Variants in CUBN observed in about 807,000 individuals in gnomAD.
CUBN encodes the protein 460 kDa receptor.
A neutral mutation model predicts 405.3 loss-of-function variants in CUBN; 282 were observed. The ratio of observed to expected loss-of-function variants is 0.70; its 90% CI spans 0.63 to 0.77. The LOEUF is 0.77. Ranked by LOEUF, CUBN falls within the 30% of genes least tolerant of loss-of-function variation. CUBN has a pLI of 0.00. For missense variants in CUBN, 4,514 were observed against 4,475.2 expected (o/e 1.01, Z -0.25); for synonymous variants, 1,684 against 1,617.0 (o/e 1.04, Z -0.99).
chr10:16,851,936 C>T (rs1291402864), intron 59 of CUBN, among the ~76,000 whole-genome samples: 3 of 122,916 alleles, frequency 2.4e-5, no homozygotes, highest in African/African-American at 9.3e-5. Context: ...CTCTATCTTT[C>T]CCTCCCTCCA....
rs1459307135 is a variant in CUBN, at chr10:16,838,360, C to T, written c.10032+1970G>A. Among the ~76,000 whole-genome samples the T allele has an allele frequency of 3.3e-5, 5 of 152,178 alleles. No individual in the cohort carries two copies. The East Asian group carries it at 9.6e-4, about 29-fold the overall frequency. On this transcript the variant is annotated intron_variant, in intron 62 of 66. Transcript: ENST00000377833. The stretch of plus-strand genomic sequence containing the variant: ...ATGGGGCTTTGACCATGACATTTTA[C>T]TGGAATGAACTGGGGAGGGTTAGTT...
At chr10:16,946,645 G>A (rs141626124) in intron 36 of CUBN, among the ~76,000 whole-genome samples, 3,720 of 151,916 alleles carry the variant, frequency 0.024, 155 homozygotes, top group African/African-American at 0.083. Flanking sequence ...ACAGGTGCCC[G>A]CCACCACTCC....
chr10:17,127,765 G>C, intron 3 of CUBN, 64 bp downstream of exon 3: 1 of 1,190,174 alleles, frequency 8.4e-7, no homozygotes, highest in Non-Finnish European at 1.2e-6. Context: ...CCTACAAAAC[G>C]GTTACTTATA....
At chr10:17,051,275 C>T (rs571733089) in intron 22 of CUBN, among the ~76,000 whole-genome samples, 6 of 152,060 alleles carry the variant, frequency 3.9e-5, no homozygotes, top group African/African-American at 9.6e-5. Context: ...GCAGGAGGAT[C>T]GCTTGAACCT....
intron 13 of CUBN, 24 bp downstream of exon 13, chr10:17,103,101 T>C (rs538930938): frequency 7.8e-7 from 1 of 1,281,986 alleles, no homozygotes; most frequent in East Asian, 2.3e-5. Context: ...TAATATGCAT[T>C]TGGGCAAGAG....
rs747948876 is a variant in CUBN at position 17,123,640 on chromosome 10, G to T, written c.437C>A (p.Thr146Asn). Residue 146 changes from threonine to asparagine, a missense_variant, in exon 5 of 67, where the codon ACC (threonine) becomes AAC (asparagine). Physicochemically the swap from Thr to Asn is moderately conservative, Grantham distance 65. Around this residue, in one of 5 missense-constraint regions of CUBN, gnomAD observed 1,448 missense variants for 1,388.0 expected, o/e 1.04. Coordinates refer to ENST00000377833, the MANE Select transcript of CUBN (RefSeq NM_001081.4). ...AAAGGAATCATGCAGATTGAGGCAG[G>T]TTCCACCATTCTGGCAAGGATTGCT... ...CSSNPCQNGG[T>N]CLNLHDSFFC... The T allele has an allele frequency of 1.9e-6, 3 of 1,614,102 alleles. No individual in the cohort carries two copies. Among genetic ancestry groups the T allele is most frequent in the African/African-American group, 1.3e-5 (1 of 75,044 alleles).
At chr10:16,910,213 CTCTTCTCCCTCTTCT>C (rs1273329546) in intron 48 of CUBN, among the ~76,000 whole-genome samples, 2 of 151,182 alleles carry the variant, frequency 1.3e-5, no homozygotes, top group Admixed American at 6.6e-5. Flanking sequence ...CCTTCTCCCT[CTCTTCTCCCTCTTCT>C]TCTTCTCCCT....
At chr10:17,074,338 T>C (rs1285268838) in intron 17 of CUBN, among the ~76,000 whole-genome samples, 3 of 152,166 alleles carry the variant, frequency 2.0e-5, no homozygotes, top group Admixed American at 6.5e-5. Context: ...TTTGTGTTAA[T>C]TATTATCACA....
chr10:17,098,842 T>C (rs1836433201), intron 14 of CUBN, among the ~76,000 whole-genome samples: 1 of 152,088 alleles, frequency 6.6e-6, no homozygotes, highest in Non-Finnish European at 1.5e-5. Context: ...TATCTGTAAA[T>C]AAATCTAACA....
At chr10:16,897,595 T>C (rs1748366045) in intron 54 of CUBN, among the ~76,000 whole-genome samples, 2 of 152,108 alleles carry the variant, frequency 1.3e-5, no homozygotes, top group South Asian at 2.1e-4. Flanking sequence ...GGCCCCTTTC[T>C]GTGACTGGGA....
intron 28 of CUBN, among the ~76,000 whole-genome samples, chr10:17,008,458 G>GTGTGTGTGTGTGTT (rs1471234210): frequency 1.4e-5 from 2 of 147,606 alleles, no homozygotes. Flanking sequence ...GTGTGTGTGT[G>GTGTGTGTGTGTGTT]TGTGTGCGCG....
intron 28 of CUBN, among the ~76,000 whole-genome samples, chr10:16,999,183 A>G (rs921618438): frequency 6.6e-6 from 1 of 152,182 alleles, no homozygotes; most frequent in Non-Finnish European, 1.5e-5. Context: ...TAAATACTCA[A>G]AGTTAAGACT....
chr10:16,961,870 C>CG (rs1843234102), intron 31 of CUBN, among the ~76,000 whole-genome samples: 2 of 151,926 alleles, frequency 1.3e-5, no homozygotes, highest in Non-Finnish European at 2.9e-5. Flanking sequence ...CGCCACTACG[C>CG]CTGGCTAATT....
intron 27 of CUBN, among the ~76,000 whole-genome samples, chr10:17,023,108 C>T (rs80277006): frequency 0.016 from 2,471 of 150,090 alleles, 59 homozygotes; most frequent in African/African-American, 0.058. Flanking sequence ...TCTTTTTTTT[C>T]CTTCCTTCTG....
At chr10:16,912,105 T>C (rs1389116505) in intron 48 of CUBN, among the ~76,000 whole-genome samples, 2 of 152,166 alleles carry the variant, frequency 1.3e-5, no homozygotes, top group Non-Finnish European at 2.9e-5. Flanking sequence ...GAAAACACAC[T>C]TGGTTTCTTA....
chr10:17,087,146 T>TC (rs1777246437), intron 15 of CUBN, among the ~76,000 whole-genome samples: 1 of 152,148 alleles, frequency 6.6e-6, no homozygotes, highest in African/African-American at 2.4e-5. Flanking sequence ...ACTCTATTCC[T>TC]CTCTAATGGA....
chr10:16,839,649 TC>T (rs1299259214), intron 62 of CUBN, among the ~76,000 whole-genome samples: 3 of 82,448 alleles, frequency 3.6e-5, no homozygotes, highest in African/African-American at 8.1e-5. Flanking sequence ...ATTGTGGAAG[TC>T]AGTGTGGTGA....
chr10:16,953,018 C>T (rs7073690), intron 32 of CUBN, among the ~76,000 whole-genome samples: 8,006 of 152,168 alleles, frequency 0.053, 690 homozygotes, highest in African/African-American at 0.18. Context: ...GGGTGACTGA[C>T]GCTGGAGAGA....
At position 17,015,807 on chromosome 10, in the gene CUBN, T is replaced by C. The variant is rs143156111; in HGVS notation, c.4168+4026A>G. Among the ~76,000 whole-genome samples the C allele has an allele frequency of 9.1e-4, 139 of 152,282 alleles. 1 individual carries two copies. In the East Asian group the frequency reaches 0.026, roughly 28 times the overall value. On this transcript the variant is annotated intron_variant, in intron 28 of 66. Transcript: ENST00000377833. ...GGCTTGTTTCTCACTGGACAATCTTTTTTAAAGTGTCCTTGTAAACCACAC... is the reference window on the plus strand; with the variant it reads ...GGCTTGTTTCTCACTGGACAATCTTCTTTAAAGTGTCCTTGTAAACCACAC...
Sources: gnomAD v4.1 joint callset for allele counts (sites outside exome capture counted in the v4.1 genomes callset) on GRCh38, gnomAD v4.1.1 for gene constraint, gnomAD v4.1.1 regional missense constraint, MANE v1.5 for transcripts, NCBI Gene and HGNC (gene_info 2026-07-23, HGNC 2026-07-21) for gene names.